The following NTNG1 variants were observed in gnomAD, a reference collection of about 807,000 sequenced individuals.
NTNG1 encodes the protein netrin-G1.
In NTNG1, 16 loss-of-function variants were observed where a neutral mutation model predicts 54.0. That is an observed-to-expected ratio of 0.30 (90% CI 0.20 to 0.45). NTNG1 has a LOEUF of 0.45. Among genes scored for constraint, NTNG1 ranks in the 20% least tolerant of loss-of-function variants. The pLI is 1.00. For synonymous variants in NTNG1, 255 were observed against 263.1 expected (o/e 0.97, Z 0.30); for missense variants, 530 against 678.7 (o/e 0.78, Z 2.43).
rs77962405 is a variant in NTNG1 at position 107,299,488 on chromosome 1, C to T, written c.247-24794C>T. On this transcript the variant is annotated intron_variant, in intron 2 of 7. Transcript: ENST00000370068. ...ATAACTATTATTTTTTAGGCACTTGCTATCTGGTCACAGTTTTAAGGACTT... is the reference window on the plus strand; with the variant it reads ...ATAACTATTATTTTTTAGGCACTTGTTATCTGGTCACAGTTTTAAGGACTT... Among the ~76,000 whole-genome samples the T allele has an allele frequency of 5.0e-3, 762 of 152,200 alleles. 5 individuals are homozygous for T. The highest frequency in any genetic ancestry group is 0.018 in the African/African-American group (730 of 41,528).
intron 3 of NTNG1, among the ~76,000 whole-genome samples, chr1:107,385,767 T>G (rs1671928390): frequency 6.6e-6 from 1 of 152,010 alleles, no homozygotes; most frequent in Non-Finnish European, 1.5e-5. Context: ...GCTACATGAT[T>G]CCAGGGCTGA....
At chr1:107,419,610 C>T (rs1311527741) in intron 5 of NTNG1, among the ~76,000 whole-genome samples, 1 of 132,154 alleles carries the variant, frequency 7.6e-6, no homozygotes, top group East Asian at 2.1e-4. Flanking sequence ...ATTATTTTGC[C>T]TTCTTCCTTC....
chr1:107,388,063 A>G (rs147232799), intron 3 of NTNG1, among the ~76,000 whole-genome samples: 2 of 152,248 alleles, frequency 1.3e-5, no homozygotes, highest in Non-Finnish European at 1.5e-5. Context: ...TCTCTACTCA[A>G]CAGATTCTAT....
intron 2 of NTNG1, among the ~76,000 whole-genome samples, chr1:107,158,848 A>G (rs533624511): frequency 2.0e-5 from 3 of 152,308 alleles, no homozygotes; most frequent in African/African-American, 7.2e-5. Flanking sequence ...AAAGAATTCT[A>G]TATTTCAAAG....
At chr1:107,251,156 A>G (rs1462105193) in intron 2 of NTNG1, among the ~76,000 whole-genome samples, 1 of 152,188 alleles carries the variant, frequency 6.6e-6, no homozygotes, top group Non-Finnish European at 1.5e-5. Flanking sequence ...TAGTTGAAAG[A>G]TTTACCTAAA....
intron 7 of NTNG1, among the ~76,000 whole-genome samples, chr1:107,473,169 C>T (rs1409966822): frequency 2.0e-5 from 3 of 152,114 alleles, no homozygotes; most frequent in African/African-American, 4.8e-5. Flanking sequence ...GTCATGGTAA[C>T]GCATTACATT....
At chr1:107,477,274 G>A (rs996494713) in intron 7 of NTNG1, among the ~76,000 whole-genome samples, 4 of 152,148 alleles carry the variant, frequency 2.6e-5, no homozygotes, top group Admixed American at 6.5e-5. Flanking sequence ...AACCTCTAAC[G>A]GTGTGATGAA....
chr1:107,248,779 G>GT (rs150112783), intron 2 of NTNG1, among the ~76,000 whole-genome samples: 4,661 of 152,166 alleles, frequency 0.031, 217 homozygotes, highest in African/African-American at 0.11. Context: ...AGGTATACTT[G>GT]TATGTATATC....
chr1:107,446,652 G>A (rs1268715835), intron 7 of NTNG1, among the ~76,000 whole-genome samples: 1 of 151,954 alleles, frequency 6.6e-6, no homozygotes, highest in Non-Finnish European at 1.5e-5. Flanking sequence ...TCTCTTTTCA[G>A]TGTGATTGAG....
intron 2 of NTNG1, among the ~76,000 whole-genome samples, chr1:107,197,772 C>T (rs1410964658): frequency 6.6e-6 from 1 of 151,924 alleles, no homozygotes; most frequent in Non-Finnish European, 1.5e-5. Flanking sequence ...CTGTGTGGCA[C>T]CTTGCCCAGG....
rs183650014 is a variant in NTNG1, at chr1:107,217,561, C to T, written c.246+68722C>T. On this transcript the variant is annotated intron_variant, in intron 2 of 7. Coordinates refer to ENST00000370068, the MANE Select transcript of NTNG1 (RefSeq NM_001113226.3). ...GGACCTTAGATTGTTTATTTGTGCT[C>T]TTTCAGCTTTTTGATGTAGGCATTT... 1.5e-3 allele frequency among the ~76,000 whole-genome samples: 221 copies of T among 152,252 alleles called. 2 individuals are homozygous for T. Among genetic ancestry groups the T allele is most frequent in the African/African-American group, 5.2e-3 (215 of 41,532 alleles).
intron 2 of NTNG1, among the ~76,000 whole-genome samples, chr1:107,285,926 T>C (rs1003520385): frequency 1.3e-5 from 2 of 152,102 alleles, no homozygotes; most frequent in Admixed American, 6.6e-5. Flanking sequence ...TCCTCACCGC[T>C]ATCTCTTGGA....
At chr1:107,283,244 G>A (rs3123376) in intron 2 of NTNG1, among the ~76,000 whole-genome samples, 86,873 of 151,912 alleles carry the variant, frequency 0.57, 25,472 homozygotes, top group African/African-American at 0.7. Context: ...AAGAGGCTAT[G>A]TACTAAATTC....
At chr1:107,247,239 T>C (rs1662264754) in intron 2 of NTNG1, among the ~76,000 whole-genome samples, 1 of 152,224 alleles carries the variant, frequency 6.6e-6, no homozygotes, top group Admixed American at 6.5e-5. Context: ...TCAATCTTGC[T>C]TAGAAATAAT....
At chr1:107,310,867 TA>T (rs923719325) in intron 2 of NTNG1, among the ~76,000 whole-genome samples, 37 of 150,958 alleles carry the variant, frequency 2.5e-4, no homozygotes, top group African/African-American at 8.8e-4. Context: ...GGGCCTTCTT[TA>T]AAAAAAAAAT....
At position 107,236,483 on chromosome 1, in the gene NTNG1, C is replaced by A. The variant is rs75241627; in HGVS notation, c.246+87644C>A. Among the ~76,000 whole-genome samples the A allele has an allele frequency of 9.4e-3, 1,438 of 152,188 alleles. 23 individuals are homozygous for A. The highest frequency in any genetic ancestry group is 0.061 in the East Asian group (316 of 5,180). ...CAAAGTGAAGTATACAGATGATGAT[C>A]CAGATAGCCAGGGTTTGAGGAGCTC... is the stretch of plus-strand genomic sequence containing the variant. On this transcript the variant is annotated intron_variant, in intron 2 of 7. Coordinates refer to ENST00000370068, the MANE Select transcript of NTNG1 (RefSeq NM_001113226.3).
intron 5 of NTNG1, among the ~76,000 whole-genome samples, chr1:107,425,256 C>T (rs945183240): frequency 2.0e-5 from 3 of 151,802 alleles, no homozygotes; most frequent in South Asian, 2.1e-4. Context: ...GCATAATGGC[C>T]GGGGATTGGG....
chr1:107,401,259 C>T lies in NTNG1; in HGVS notation c.1060+5933C>T, dbSNP rs117301570. The stretch of plus-strand genomic sequence containing the variant: ...ACTGCCTGGGTGGCTTGACTACCAG[C>T]CTTTCTGGCTCAGAATCCTAATTTT... On this transcript the variant is annotated intron_variant, in intron 4 of 7. Coordinates refer to ENST00000370068, the MANE Select transcript of NTNG1 (RefSeq NM_001113226.3). Among the ~76,000 whole-genome samples the T allele has an allele frequency of 4.5e-4, 68 of 152,254 alleles. No individual in the cohort carries two copies. The East Asian group carries it at 0.011, about 25-fold the overall frequency.
intron 2 of NTNG1, among the ~76,000 whole-genome samples, chr1:107,301,961 C>A (rs1283131853): frequency 6.6e-6 from 1 of 152,148 alleles, no homozygotes; most frequent in Non-Finnish European, 1.5e-5. Flanking sequence ...TGAAAATCAT[C>A]TTTGCTTGCT....
Sources: gnomAD v4.1 joint callset for allele counts (sites outside exome capture counted in the v4.1 genomes callset) on GRCh38, gnomAD v4.1.1 for gene constraint, MANE v1.5 for transcripts, NCBI Gene and HGNC (gene_info 2026-07-23, HGNC 2026-07-21) for gene names.